The following MINDY2 variants were observed in gnomAD, a reference collection of about 807,000 sequenced individuals.
The protein encoded by MINDY2 is ubiquitin carboxyl-terminal hydrolase MINDY-2.
In MINDY2, 52 loss-of-function variants were observed where a neutral mutation model predicts 68.2. The observed-to-expected ratio is 0.76, with a 90% confidence interval of 0.61 to 0.96. The LOEUF is 0.96. Among genes scored for constraint, MINDY2 ranks in the 40% least tolerant of loss-of-function variants. The pLI is 0.00. For missense variants in MINDY2, 881 were observed against 773.4 expected (o/e 1.14, Z -1.65); for synonymous variants, 372 against 303.0 (o/e 1.23, Z -2.36).
intron 1 of MINDY2, among the ~76,000 whole-genome samples, chr15:58,773,030 T>G (rs1900541526): frequency 6.6e-6 from 1 of 152,170 alleles, no homozygotes; most frequent in Admixed American, 6.5e-5. Flanking sequence ...TCAAATGAAG[T>G]GTCTCATTTA....
intron 1 of MINDY2, among the ~76,000 whole-genome samples, chr15:58,779,751 C>T (rs1352322885): frequency 6.6e-6 from 1 of 152,148 alleles, no homozygotes; most frequent in Non-Finnish European, 1.5e-5. Flanking sequence ...TGTTGTAACT[C>T]TGGATTTGTA....
intron 1 of MINDY2, among the ~76,000 whole-genome samples, chr15:58,783,866 G>A (rs1275097874): frequency 6.6e-6 from 1 of 152,126 alleles, no homozygotes; most frequent in Non-Finnish European, 1.5e-5. Context: ...CATCACCTGA[G>A]CCCGGGGAGG....
At chr15:58,831,952 A>C in intron 6 of MINDY2, 36 bp downstream of exon 6, 1 of 1,573,782 alleles carries the variant, frequency 6.4e-7, no homozygotes, top group Non-Finnish European at 8.6e-7. Flanking sequence ...TCGTGATTCT[A>C]AATCAAAGGA....
At chr15:58,787,859 G>A in intron 1 of MINDY2, 47 bp from the exon 2 acceptor site, 4 of 1,304,214 alleles carry the variant, frequency 3.1e-6, no homozygotes, top group Non-Finnish European at 4.3e-6. Flanking sequence ...AAATACTTTA[G>A]TCACCTAAAA....
rs568867982 is a variant in MINDY2 at position 58,814,338 on chromosome 15, T to C, written c.1122+3950T>C. Among the ~76,000 whole-genome samples the C allele has an allele frequency of 1.3e-4, 20 of 152,244 alleles. No individual in the cohort carries two copies. The East Asian group carries it at 3.9e-3, about 29-fold the overall frequency. On this transcript the variant is annotated intron_variant, in intron 4 of 8. Coordinates refer to ENST00000559228, the MANE Select transcript of MINDY2 (RefSeq NM_001040450.3). Reference sequence around the variant, plus strand: ...TTTAGTAAAATGTCTCTTCATGTCTTTTGCCCACTTTCTAATTAGATTGGT... The same window carrying C: ...TTTAGTAAAATGTCTCTTCATGTCTCTTGCCCACTTTCTAATTAGATTGGT...
At position 58,859,361 on chromosome 15, in the gene MINDY2, T is replaced by G. The variant is rs1267846552; in HGVS notation, c.*4751T>G. ...CTTCGTTTGCATTGGTGGAATTCAT[T>G]TAGATCTCTCAAGTAATATTATTTT... On this transcript the variant is annotated 3_prime_UTR_variant, in exon 9 of 9. Coordinates refer to ENST00000559228, the MANE Select transcript of MINDY2 (RefSeq NM_001040450.3). The G allele has an allele frequency of 6.6e-6, 1 of 152,146 alleles. No individual in the cohort carries two copies. The highest frequency in any genetic ancestry group is 1.5e-5 in the Non-Finnish European group (1 of 67,994). 9.4% of individuals were successfully genotyped at this position (152,146 alleles called of 1,614,324 possible). A position where few individuals can be genotyped will look rare whatever the true frequency, so the allele number is the denominator to read the frequency against.
In MINDY2 at chr15:58,857,716, T is replaced by A. The variant is rs1442620870; in HGVS notation, c.*3106T>A. On this transcript the variant is annotated 3_prime_UTR_variant, in exon 9 of 9. Transcript: ENST00000559228. ...TACTTGAAAATTCTTAGATGTATACTGCTAACAAAAGTTAGAACTTAAACA... is the reference window on the plus strand; with the variant it reads ...TACTTGAAAATTCTTAGATGTATACAGCTAACAAAAGTTAGAACTTAAACA... 6.6e-6 allele frequency: 1 copy of A among 152,196 alleles called. No homozygotes were observed. Among genetic ancestry groups the A allele is most frequent in the Non-Finnish European group, 1.5e-5 (1 of 68,036 alleles). 9.4% of individuals were successfully genotyped at this position (152,196 alleles called of 1,614,324 possible). A position where few individuals can be genotyped will look rare whatever the true frequency, so the allele number is the denominator to read the frequency against.
Position 58,859,139 on chromosome 15 carries a change from C to T in MINDY2, c.*4529C>T, listed in dbSNP as rs1342267465. The T allele has an allele frequency of 6.6e-6, 1 of 151,972 alleles. No individual in the cohort carries two copies. Among genetic ancestry groups the T allele is most frequent in the Non-Finnish European group, 1.5e-5 (1 of 67,940 alleles). 9.4% of individuals were successfully genotyped at this position (151,972 alleles called of 1,614,324 possible). A position where few individuals can be genotyped will look rare whatever the true frequency, so the allele number is the denominator to read the frequency against. ...GAATTTTCTTTGAGTATGGCGTGAT[C>T]TCTTCCCAAATGCATTTTACAGTTT... On this transcript the variant is annotated 3_prime_UTR_variant, in exon 9 of 9. Coordinates refer to ENST00000559228, the MANE Select transcript of MINDY2 (RefSeq NM_001040450.3).
rs538926594 is a variant in MINDY2 at position 58,794,404 on chromosome 15, A to G, written c.898+6441A>G. Among the ~76,000 whole-genome samples, 18 of 146,910 alleles carry G rather than the reference A, an allele frequency of 1.2e-4. No individual in the cohort carries two copies. The East Asian group carries it at 3.6e-3, about 29-fold the overall frequency. ...GTGTGTGTGTGTGTGTGTTTTAAGAATAAAATATTTTTGTTGGAGAAGAGG... is the reference window on the plus strand; with the variant it reads ...GTGTGTGTGTGTGTGTGTTTTAAGAGTAAAATATTTTTGTTGGAGAAGAGG... On this transcript the variant is annotated intron_variant, in intron 2 of 8. Coordinates refer to ENST00000559228, the MANE Select transcript of MINDY2 (RefSeq NM_001040450.3).
intron 4 of MINDY2, among the ~76,000 whole-genome samples, chr15:58,813,293 G>C (rs1467035609): frequency 6.6e-6 from 1 of 152,100 alleles, no homozygotes; most frequent in African/African-American, 2.4e-5. Context: ...CCAGGAGTTC[G>C]AGACCAGCCT....
rs2033113714 is a variant in MINDY2, at chr15:58,857,994, T to C, written c.*3384T>C. 1 of 152,228 alleles carries C rather than the reference T, an allele frequency of 6.6e-6. No homozygotes were observed. The allele number at this position is 152,228 out of a possible 1,614,324, so 9.4% of individuals were successfully genotyped here. A position where few individuals can be genotyped will look rare whatever the true frequency, so the allele number is the denominator to read the frequency against. On this transcript the variant is annotated 3_prime_UTR_variant, in exon 9 of 9. Coordinates refer to ENST00000559228, the MANE Select transcript of MINDY2 (RefSeq NM_001040450.3). ...ACATGATCAACACTTAAAAGTACTT[T>C]ACATATGTGTGTTTCTGAAGCAAGT...
chr15:58,773,158 G>A (rs980715284), intron 1 of MINDY2, among the ~76,000 whole-genome samples: 2 of 152,066 alleles, frequency 1.3e-5, no homozygotes, highest in African/African-American at 4.8e-5. Context: ...AACAAACTGG[G>A]TGTGGTGGTG....
intron 2 of MINDY2, among the ~76,000 whole-genome samples, chr15:58,794,914 G>T (rs961593390): frequency 2.0e-5 from 3 of 151,968 alleles, no homozygotes; most frequent in Non-Finnish European, 4.4e-5. Context: ...TGGGCCGGGC[G>T]CAGTGGCTCA....
intron 1 of MINDY2, 149 bp from the exon 2 acceptor site, chr15:58,787,757 C>T (rs758318042): frequency 9.3e-5 from 38 of 407,210 alleles, no homozygotes; most frequent in African/African-American, 2.4e-4. Context: ...AAAAAAAAGC[C>T]TGGCTATAAA....
chr15:58,811,095 A>T (rs941295636), intron 4 of MINDY2, among the ~76,000 whole-genome samples: 41 of 152,264 alleles, frequency 2.7e-4, no homozygotes, highest in African/African-American at 9.4e-4. Flanking sequence ...CAAGGGGCCC[A>T]CAATAAATAA....
rs1226690010 is a variant in MINDY2 at position 58,802,366 on chromosome 15, A to T, written c.952A>T (p.Asn318Tyr). The T allele has an allele frequency of 4.4e-6, 7 of 1,583,428 alleles. No individual in the cohort carries two copies. Among genetic ancestry groups the T allele is most frequent in the Non-Finnish European group, 6.0e-6 (7 of 1,163,610 alleles). The change falls in exon 3 of 9, where the codon AAT becomes TAT. Residue 318 changes from asparagine (N) to tyrosine (Y), a missense_variant. Transcript: ENST00000559228. ...AGAAATTTCAGAAATTCAACGTTTA[A>T]ATTATGAACAGGTAATAAACAGTTT... ...PKEISEIQRL[N>Y]YEQNMSDAMA...
rs1387595352 is a variant in MINDY2 at position 58,858,954 on chromosome 15, T to A, written c.*4344T>A. The A allele has an allele frequency of 6.6e-6, 1 of 152,170 alleles. No individual in the cohort carries two copies. The highest frequency in any genetic ancestry group is 6.5e-5 in the Admixed American group (1 of 15,274). The allele number at this position is 152,170 out of a possible 1,614,324, so 9.4% of individuals were successfully genotyped here. Reference sequence around the variant, plus strand: ...ATATGTGAAGGATGCTCTTTTTGATTAAGTGTTTTGCACTCCTGAATAAAG... The same window carrying A: ...ATATGTGAAGGATGCTCTTTTTGATAAAGTGTTTTGCACTCCTGAATAAAG... On this transcript the variant is annotated 3_prime_UTR_variant, in exon 9 of 9. Transcript: ENST00000559228.
intron 4 of MINDY2, among the ~76,000 whole-genome samples, chr15:58,814,077 A>G (rs2030504275): frequency 1.3e-5 from 2 of 151,590 alleles, no homozygotes; most frequent in Non-Finnish European, 2.9e-5. Context: ...AGCTGGGATT[A>G]CAGGCGCCCA....
intron 1 of MINDY2, among the ~76,000 whole-genome samples, chr15:58,781,675 C>T (rs778809055): frequency 3.3e-5 from 5 of 151,814 alleles, no homozygotes; most frequent in East Asian, 2.0e-4. Flanking sequence ...GAGGCCAAGG[C>T]GGGTGGATCA....
Sources: gnomAD v4.1 joint callset for allele counts (sites outside exome capture counted in the v4.1 genomes callset) on GRCh38, gnomAD v4.1.1 for gene constraint, MANE v1.5 for transcripts, NCBI Gene and HGNC (gene_info 2026-07-23, HGNC 2026-07-21) for gene names.